The following SMAP1 variants were observed in gnomAD, a reference collection of about 807,000 sequenced individuals.
SMAP1 encodes the protein small ArfGAP 1.
Under a neutral mutation model 58.5 loss-of-function variants are expected in SMAP1, and 24 were observed. That is an observed-to-expected ratio of 0.41 (90% CI 0.30 to 0.58). SMAP1 has a LOEUF of 0.58. Ranked by LOEUF, SMAP1 falls within the 20% of genes least tolerant of loss-of-function variation. The pLI is 0.29. For synonymous variants in SMAP1, 216 were observed against 196.6 expected, an observed-to-expected ratio of 1.10 and a Z score of -0.82; for missense variants, 563 against 566.3, an observed-to-expected ratio of 0.99 and a Z score of 0.06.
At chr6:70,678,560 A>G (rs1335295381) in intron 1 of SMAP1, among the ~76,000 whole-genome samples, 1 of 152,216 alleles carries the variant, frequency 6.6e-6, no homozygotes, top group Non-Finnish European at 1.5e-5. Context: ...TGTTGCTGCT[A>G]TTAAAAAATC....
At chr6:70,769,320 C>T (rs1048342214) in intron 3 of SMAP1, among the ~76,000 whole-genome samples, 1 of 152,154 alleles carries the variant, frequency 6.6e-6, no homozygotes, top group African/African-American at 2.4e-5. Context: ...AACTTTCTGT[C>T]TCGTTGATCT....
chr6:70,782,557 G>C (rs1268616734), intron 4 of SMAP1, among the ~76,000 whole-genome samples: 2 of 152,160 alleles, frequency 1.3e-5, no homozygotes, highest in Non-Finnish European at 2.9e-5. Flanking sequence ...TCCCATGCTG[G>C]ATGCTTCCTG....
intron 6 of SMAP1, among the ~76,000 whole-genome samples, chr6:70,831,551 G>A (rs1388301812): frequency 6.6e-6 from 1 of 152,130 alleles, no homozygotes; most frequent in African/African-American, 2.4e-5. Flanking sequence ...AGTTTGCTTA[G>A]GATAATGGCC....
chr6:70,803,315 A>G (rs557538390), intron 6 of SMAP1, among the ~76,000 whole-genome samples: 1 of 152,054 alleles, frequency 6.6e-6, no homozygotes, highest in Non-Finnish European at 1.5e-5. Flanking sequence ...CTCTGATGGT[A>G]GTTTGTATTT....
intron 2 of SMAP1, among the ~76,000 whole-genome samples, chr6:70,750,367 T>C (rs1452879957): frequency 1.3e-5 from 2 of 152,246 alleles, no homozygotes; most frequent in Non-Finnish European, 2.9e-5. Context: ...TTGTATGTTT[T>C]AGTTTCTTAA....
chr6:70,771,178 T>A (rs1767285426), intron 3 of SMAP1, among the ~76,000 whole-genome samples: 1 of 152,178 alleles, frequency 6.6e-6, no homozygotes, highest in African/African-American at 2.4e-5. Context: ...TGCCTCCCAG[T>A]TAGGCTGCTC....
At chr6:70,757,430 A>G (rs1766541743) in intron 3 of SMAP1, among the ~76,000 whole-genome samples, 1 of 152,088 alleles carries the variant, frequency 6.6e-6, no homozygotes, top group African/African-American at 2.4e-5. Context: ...AAGAAAACCT[A>G]GGCATCACCA....
At chr6:70,854,373 G>T (rs1434591589) in intron 8 of SMAP1, among the ~76,000 whole-genome samples, 2 of 152,266 alleles carry the variant, frequency 1.3e-5, no homozygotes, top group East Asian at 3.9e-4. Flanking sequence ...TGTAATCCCA[G>T]CACTTTGGGA....
At chr6:70,727,723 C>T (rs900578510) in intron 1 of SMAP1, among the ~76,000 whole-genome samples, 1 of 152,106 alleles carries the variant, frequency 6.6e-6, no homozygotes, top group Non-Finnish European at 1.5e-5. Flanking sequence ...TCAGGGATTG[C>T]TAAATCTATT....
chr6:70,825,823 T>G (rs548046114), intron 6 of SMAP1, among the ~76,000 whole-genome samples: 5 of 152,204 alleles, frequency 3.3e-5, no homozygotes, highest in African/African-American at 1.2e-4. Flanking sequence ...CCAGGACTTG[T>G]GTTCACCTGC....
intron 6 of SMAP1, among the ~76,000 whole-genome samples, chr6:70,802,901 G>A (rs113518229): frequency 1.1e-4 from 17 of 152,184 alleles, no homozygotes; most frequent in Admixed American, 7.2e-4. Flanking sequence ...TGCTGGATTC[G>A]GTTTGCCAGT....
intron 5 of SMAP1, among the ~76,000 whole-genome samples, chr6:70,795,000 G>A (rs1042638182): frequency 2.0e-5 from 3 of 151,846 alleles, no homozygotes; most frequent in South Asian, 2.1e-4. Flanking sequence ...GTGTTAGCCC[G>A]GATGGTCTCG....
At position 70,818,116 on chromosome 6, in the gene SMAP1, T is replaced by G. The variant is rs540249246; in HGVS notation, c.577-18825T>G. ...TCAAGTAATTTTAGAGTTTCTGGAG[T>G]GTATCAAATCTTCTTTATAATGAAA... On this transcript the variant is annotated intron_variant, in intron 6 of 10. Coordinates refer to ENST00000370455, the MANE Select transcript of SMAP1 (RefSeq NM_001044305.3). 1.3e-4 allele frequency among the ~76,000 whole-genome samples: 20 copies of G among 151,940 alleles called. No homozygotes were observed. In the East Asian group the frequency reaches 3.5e-3, roughly 26 times the overall value.
intron 1 of SMAP1, among the ~76,000 whole-genome samples, chr6:70,683,274 A>C (rs766008230): frequency 1.4e-4 from 21 of 147,736 alleles, no homozygotes; most frequent in Non-Finnish European, 2.8e-4. Flanking sequence ...GTGTTCAAGC[A>C]GTTTTCTGCC....
At chr6:70,859,842 T>A (rs1452866813) in intron 10 of SMAP1, 29 of 186,892 alleles carry the variant, frequency 1.6e-4, no homozygotes, top group Non-Finnish European at 1.1e-5. Context: ...GTTTATAGGA[T>A]AATTTTAGAC....
At chr6:70,797,662 C>A (rs772487151) in intron 5 of SMAP1, among the ~76,000 whole-genome samples, 2 of 151,992 alleles carry the variant, frequency 1.3e-5, no homozygotes, top group Non-Finnish European at 2.9e-5. Flanking sequence ...TCCTGATTTA[C>A]AAATGGCAGA....
chr6:70,700,928 C>T (rs913978271), intron 1 of SMAP1, among the ~76,000 whole-genome samples: 8 of 152,182 alleles, frequency 5.3e-5, no homozygotes, highest in African/African-American at 1.9e-4. Context: ...GAATTGTCAT[C>T]GGGGAGCTAG....
At chr6:70,821,832 T>C (rs1769904204) in intron 6 of SMAP1, among the ~76,000 whole-genome samples, 1 of 152,182 alleles carries the variant, frequency 6.6e-6, no homozygotes. Flanking sequence ...GTAACTGTGA[T>C]GATAAAGAAT....
chr6:70,726,056 GT>G (rs1768770898), intron 1 of SMAP1, among the ~76,000 whole-genome samples: 2 of 152,240 alleles, frequency 1.3e-5, no homozygotes, highest in South Asian at 4.1e-4. Context: ...ATTTGCCTCT[GT>G]CATGGTCTCA....
Sources: allele counts gnomAD v4.1 joint callset (sites outside exome capture counted in the v4.1 genomes callset), GRCh38; gene constraint gnomAD v4.1.1; transcripts MANE v1.5; gene names NCBI Gene and HGNC (gene_info 2026-07-23, HGNC 2026-07-21).